NR3C1: variants seen among roughly 807,000 people sequenced by gnomAD.
NR3C1 encodes nuclear receptor subfamily 3 group C member 1.
Under a neutral mutation model 74.0 loss-of-function variants are expected in NR3C1, and 14 were observed. That is an observed-to-expected ratio of 0.19 (90% CI 0.12 to 0.30). The LOEUF (loss-of-function observed/expected upper bound fraction) is 0.30, where lower values mean the gene tolerates loss of function less well. Ranked by LOEUF, NR3C1 falls within the 10% of genes least tolerant of loss-of-function variation. The probability of loss-of-function intolerance (pLI) is 1.00; values close to 1 mark genes in which losing one functional copy is unlikely to be tolerated. For missense variants in NR3C1, 695 were observed against 909.8 expected, an observed-to-expected ratio of 0.76 and a Z score of 3.04; for synonymous variants, 308 against 332.5, an observed-to-expected ratio of 0.93 and a Z score of 0.80.
At chr5:143,285,568 G>T (rs1814214859) in intron 7 of NR3C1, among the ~76,000 whole-genome samples, 1 of 152,102 alleles carries the variant, frequency 6.6e-6, no homozygotes. Flanking sequence ...AATGAATGCT[G>T]TCTGACAAAA....
intron 2 of NR3C1, among the ~76,000 whole-genome samples, chr5:143,398,614 T>C (rs1433094994): frequency 2.0e-5 from 3 of 152,028 alleles, no homozygotes; most frequent in Non-Finnish European, 4.4e-5. Flanking sequence ...CTGTCTACCA[T>C]GTCTTCTTTT....
intron 2 of NR3C1, among the ~76,000 whole-genome samples, chr5:143,377,154 C>A (rs549140619): frequency 6.6e-6 from 1 of 152,160 alleles, no homozygotes; most frequent in African/African-American, 2.4e-5. Context: ...TCCACTGTAA[C>A]CTTTCCCTAA....
At chr5:143,416,666 G>A (rs1841486393) in intron 1 of NR3C1, among the ~76,000 whole-genome samples, 1 of 152,042 alleles carries the variant, frequency 6.6e-6, no homozygotes, top group Non-Finnish European at 1.5e-5. Flanking sequence ...AGAAGTAAAG[G>A]TCTAAAACAT....
intron 1 of NR3C1, among the ~76,000 whole-genome samples, chr5:143,418,361 C>CT (rs2151958276): frequency 6.6e-6 from 1 of 152,304 alleles, no homozygotes; most frequent in African/African-American, 2.4e-5. Context: ...CCCTTTCTTC[C>CT]TGCCCTCAAC....
intron 2 of NR3C1, among the ~76,000 whole-genome samples, chr5:143,330,947 A>T (rs1431284066): frequency 6.6e-6 from 1 of 152,222 alleles, no homozygotes. Context: ...AGAATTAGAA[A>T]AAAACTATTT....
At chr5:143,348,727 T>C (rs1235582709) in intron 2 of NR3C1, among the ~76,000 whole-genome samples, 1 of 152,144 alleles carries the variant, frequency 6.6e-6, no homozygotes, top group Non-Finnish European at 1.5e-5. Context: ...TAAGTTTTGA[T>C]CAGACATGAT....
intron 1 of NR3C1, among the ~76,000 whole-genome samples, chr5:143,402,404 C>T (rs1357832857): frequency 1.3e-5 from 2 of 152,232 alleles, no homozygotes; most frequent in Non-Finnish European, 2.9e-5. Flanking sequence ...ATTATCAAGT[C>T]TGCAACCCCA....
At chr5:143,426,301 C>T (rs1401254438) in intron 1 of NR3C1, among the ~76,000 whole-genome samples, 3 of 152,008 alleles carry the variant, frequency 2.0e-5, no homozygotes, top group African/African-American at 7.3e-5. Context: ...AATTTGATAG[C>T]GGGGATGGTT....
chr5:143,348,605 G>T (rs1829708688), intron 2 of NR3C1, among the ~76,000 whole-genome samples: 3 of 152,088 alleles, frequency 2.0e-5, no homozygotes, highest in African/African-American at 4.8e-5. Context: ...TGTGCTTTTT[G>T]TTGGGAATTT....
rs1816997532 is a variant in NR3C1, at chr5:143,295,607, G to C, written c.1893-17C>G. The C allele has an allele frequency of 1.2e-6, 2 of 1,601,900 alleles. No homozygotes were observed. The highest frequency in any genetic ancestry group is 1.7e-4 in the Middle Eastern group (1 of 6,026). ...ATTCTCTGCCTGTGAAAGATAAATA[G>C]CAGGGTATTAGTTAGAAATACTGCT... On this transcript the variant is annotated splice_polypyrimidine_tract_variant and intron_variant, in intron 6 of 8. Transcript: ENST00000394464.
intron 2 of NR3C1, among the ~76,000 whole-genome samples, chr5:143,322,062 A>G (rs1000208389): frequency 6.6e-6 from 1 of 152,220 alleles, no homozygotes; most frequent in African/African-American, 2.4e-5. Flanking sequence ...AATATTTATG[A>G]GATTATAATC....
chr5:143,354,922 CAA>C (rs60607518), intron 2 of NR3C1, among the ~76,000 whole-genome samples: 10 of 48,950 alleles, frequency 2.0e-4, no homozygotes, highest in Admixed American at 2.1e-4. Flanking sequence ...AAGTCCGTCT[CAA>C]AAAAAAAAAA....
intron 2 of NR3C1, among the ~76,000 whole-genome samples, chr5:143,374,855 TATGCACACA>T (rs2151866209): frequency 6.6e-6 from 1 of 152,284 alleles, no homozygotes; most frequent in African/African-American, 2.4e-5. Context: ...AAGTAATTTG[TATGCACACA>T]TACATGCACT....
At chr5:143,432,843 A>G (rs1600695067) in intron 1 of NR3C1, among the ~76,000 whole-genome samples, 1 of 152,182 alleles carries the variant, frequency 6.6e-6, no homozygotes, top group African/African-American at 2.4e-5. Context: ...TCCCACCGGG[A>G]TCCTCTCCAT....
intron 2 of NR3C1, among the ~76,000 whole-genome samples, chr5:143,393,540 G>A (rs986964381): frequency 4.0e-5 from 6 of 151,626 alleles, no homozygotes; most frequent in African/African-American, 1.5e-4. Context: ...TGGAAGGGAT[G>A]GTTAAAAAAA....
chr5:143,312,044 TCTAA>T lies in NR3C1; in HGVS notation c.1352-1835_1352-1832del, dbSNP rs1821101114. ...CTTCTACTACTTGGTAAATTCCCTT[TCTAA>T]CTAATAGAAAGATGAGTCTTCAAGT... On this transcript the variant is annotated intron_variant, in intron 3 of 8. Coordinates refer to ENST00000394464, the MANE Select transcript of NR3C1 (RefSeq NM_000176.3). 5.3e-5 allele frequency among the ~76,000 whole-genome samples: 8 copies of T among 152,290 alleles called. No individual in the cohort carries two copies. In the South Asian group the frequency reaches 1.5e-3, roughly 28 times the overall value.
intron 4 of NR3C1, among the ~76,000 whole-genome samples, chr5:143,301,995 C>T (rs752361440): frequency 3.3e-5 from 5 of 151,948 alleles, no homozygotes; most frequent in Admixed American, 6.6e-5. Flanking sequence ...CATGATAGAA[C>T]CATGCTAATT....
intron 2 of NR3C1, among the ~76,000 whole-genome samples, chr5:143,340,823 T>C (rs1828069859): frequency 6.6e-6 from 1 of 152,082 alleles, no homozygotes; most frequent in Non-Finnish European, 1.5e-5. Context: ...ATTTACCAAA[T>C]ATATATTTTT....
chr5:143,327,311 A>T (rs978343532), intron 2 of NR3C1, among the ~76,000 whole-genome samples: 1 of 150,690 alleles, frequency 6.6e-6, no homozygotes, highest in Non-Finnish European at 1.5e-5. Context: ...CATGGAAAAA[A>T]CCCCCCCATG....
Sources: allele counts gnomAD v4.1 joint callset (sites outside exome capture counted in the v4.1 genomes callset), GRCh38; gene constraint gnomAD v4.1.1; transcripts MANE v1.5; gene names NCBI Gene and HGNC (gene_info 2026-07-23, HGNC 2026-07-21).